Variants in MTR observed in about 807,000 individuals in gnomAD.
MTR encodes the protein 5-methyltetrahydrofolate-homocysteine methyltransferase, also known as methionine synthase.
MTR carries 84 observed loss-of-function variants against 154.8 expected under a neutral mutation model. The ratio of observed to expected loss-of-function variants is 0.54; its 90% CI spans 0.45 to 0.65. The LOEUF (loss-of-function observed/expected upper bound fraction) is 0.65. MTR is among the 30% of genes least tolerant of loss of function. The pLI, the probability that MTR is intolerant of heterozygous loss-of-function variation, is 0.00. For synonymous variants in MTR, 554 were observed against 553.9 expected (o/e 1.00, Z 0.00); for missense variants, 1,275 against 1,570.2 (o/e 0.81, Z 3.18).
intron 25 of MTR, among the ~76,000 whole-genome samples, chr1:236,882,645 G>A (rs1010121488): frequency 9.2e-5 from 14 of 152,022 alleles, no homozygotes; most frequent in Non-Finnish European, 1.6e-4. Context: ...CACCCGCCTC[G>A]GCTTCCCAAA....
chr1:236,820,612 T>C (rs1298666019), intron 8 of MTR: 6 of 552,922 alleles, frequency 1.1e-5, no homozygotes, highest in Non-Finnish European at 1.9e-5. Context: ...AAAGTTTCCG[T>C]AAACATTCAT....
In MTR at chr1:236,891,130, T is replaced by C. The variant is rs1286783552; in HGVS notation, c.3008-3T>C. ...GTGAATTCTAATTCTGTTTTTCTAA[T>C]AGGTGGAGAGGCCAGGAAGGTCTAC... On this transcript the variant is annotated splice_polypyrimidine_tract_variant and splice_region_variant and intron_variant, in intron 28 of 32. Coordinates refer to ENST00000366577, the MANE Select transcript of MTR (RefSeq NM_000254.3). The C allele has an allele frequency of 2.5e-6, 4 of 1,614,126 alleles. No homozygotes were observed. In the Admixed American group the frequency reaches 5.0e-5, roughly 20 times the overall value.
intron 1 of MTR, among the ~76,000 whole-genome samples, chr1:236,802,816 G>A (rs985759300): frequency 2.6e-5 from 4 of 152,166 alleles, no homozygotes; most frequent in African/African-American, 7.2e-5. Context: ...CCAGTAGGTC[G>A]TAGAAACCAG....
chr1:236,883,364 G>T (rs932845549), intron 25 of MTR, among the ~76,000 whole-genome samples: 1 of 152,178 alleles, frequency 6.6e-6, no homozygotes, highest in Non-Finnish European at 1.5e-5. Flanking sequence ...CTGCCACTGT[G>T]GCTCTGGGAG....
intron 18 of MTR, among the ~76,000 whole-genome samples, chr1:236,856,800 T>A (rs1664233960): frequency 6.6e-6 from 1 of 152,120 alleles, no homozygotes; most frequent in African/African-American, 2.4e-5. Context: ...TCTGTTCCTG[T>A]GTTAGTTTGT....
chr1:236,829,310 T>C (rs1435332392), intron 12 of MTR, 42 bp downstream of exon 12: 1 of 1,500,898 alleles, frequency 6.7e-7, no homozygotes, highest in African/African-American at 1.4e-5. Flanking sequence ...CAGAAACCAT[T>C]TGTGGAGTGT....
intron 30 of MTR, 102 bp from the exon 31 acceptor site, chr1:236,895,256 G>A: frequency 7.8e-7 from 1 of 1,288,046 alleles, no homozygotes; most frequent in East Asian, 2.5e-5. Context: ...TGGTCCAGAT[G>A]AGGGAGGGTG....
chr1:236,807,571 A>G (rs369820792), intron 3 of MTR, among the ~76,000 whole-genome samples: 1 of 152,176 alleles, frequency 6.6e-6, no homozygotes, highest in African/African-American at 2.4e-5. Flanking sequence ...AATAGTAGTC[A>G]TCCTAATGAT....
intron 1 of MTR, among the ~76,000 whole-genome samples, chr1:236,802,732 A>G (rs771984753): frequency 1.2e-4 from 19 of 152,208 alleles, no homozygotes; most frequent in Admixed American, 2.6e-4. Flanking sequence ...GAGGGAGGTC[A>G]AGAAAAGGTG....
At chr1:236,809,585 C>T (rs957685760) in intron 4 of MTR, among the ~76,000 whole-genome samples, 1 of 152,208 alleles carries the variant, frequency 6.6e-6, no homozygotes, top group Non-Finnish European at 1.5e-5. Context: ...AACAGAGTCA[C>T]AGGTCAGAGG....
chr1:236,797,897 G>A (rs745787262), intron 1 of MTR, among the ~76,000 whole-genome samples: 79 of 151,198 alleles, frequency 5.2e-4, no homozygotes, highest in Non-Finnish European at 8.7e-4. Flanking sequence ...GGCTGAGGTT[G>A]CAGTGAGCCG....
At position 236,897,909 on chromosome 1, in the gene MTR, G is replaced by A. The variant is rs531663569; in HGVS notation, c.*265G>A. The A allele has an allele frequency of 1.3e-5, 6 of 477,236 alleles. No homozygotes were observed. Among genetic ancestry groups the A allele is most frequent in the South Asian group, 7.4e-5 (3 of 40,352 alleles). The allele number at this position is 477,236 out of a possible 1,614,324, so 29.6% of individuals were successfully genotyped here. A position where few individuals can be genotyped will look rare whatever the true frequency, so the allele number is the denominator to read the frequency against. On this transcript the variant is annotated 3_prime_UTR_variant, in exon 33 of 33. Transcript: ENST00000366577. ...GGTTTCCCTGGTCCCTCTGAGATGG[G>A]GACAGACTGAAGACAGAGGTCGTTT...
chr1:236,858,083 G>A (rs1664305413), intron 18 of MTR, among the ~76,000 whole-genome samples: 2 of 152,290 alleles, frequency 1.3e-5, no homozygotes, highest in South Asian at 2.1e-4. Flanking sequence ...GAAGCTTGTC[G>A]GGAATGGCAG....
chr1:236,884,705 A>T lies in MTR; in HGVS notation c.2677-416A>T, dbSNP rs529868895. Among the ~76,000 whole-genome samples, 6 of 152,326 alleles carry T rather than the reference A, an allele frequency of 3.9e-5. No homozygotes were observed. The East Asian group carries it at 1.2e-3, about 29-fold the overall frequency. Reference sequence around the variant, plus strand: ...TATTGGGGGTTGGTCACATAGGCCCAGAATGCCCATGTGTCTAGCCTTAAT... The same window carrying T: ...TATTGGGGGTTGGTCACATAGGCCCTGAATGCCCATGTGTCTAGCCTTAAT... On this transcript the variant is annotated intron_variant, in intron 25 of 32. Coordinates refer to ENST00000366577, the MANE Select transcript of MTR (RefSeq NM_000254.3).
intron 1 of MTR, among the ~76,000 whole-genome samples, chr1:236,798,125 G>A (rs1449797371): frequency 1.3e-5 from 2 of 152,180 alleles, no homozygotes; most frequent in Non-Finnish European, 2.9e-5. Flanking sequence ...ACAGTGCTGA[G>A]AAAGCCTTGG....
At position 236,838,646 on chromosome 1, in the gene MTR, T is replaced by C. The variant is rs201429367; in HGVS notation, c.1515+47T>C. On this transcript the variant is annotated intron_variant, in intron 15 of 32. Coordinates refer to ENST00000366577, the MANE Select transcript of MTR (RefSeq NM_000254.3). ...AATCCATTGTGTTTCCCAGGTTAGATAGTGGTGGGAGAAAATGCAAGTCTG... is the reference window on the plus strand; with the variant it reads ...AATCCATTGTGTTTCCCAGGTTAGACAGTGGTGGGAGAAAATGCAAGTCTG... 4.4e-6 allele frequency: 7 copies of C among 1,608,190 alleles called. No homozygotes were observed. The East Asian group carries it at 8.9e-5, about 20-fold the overall frequency.
chr1:236,806,462 G>T (rs1660991716), intron 3 of MTR, among the ~76,000 whole-genome samples: 1 of 152,162 alleles, frequency 6.6e-6, no homozygotes, highest in East Asian at 1.9e-4. Context: ...AAATATAAAT[G>T]ATACTTAATT....
At chr1:236,831,221 G>T (rs1031464091) in intron 12 of MTR, among the ~76,000 whole-genome samples, 78 of 152,322 alleles carry the variant, frequency 5.1e-4, no homozygotes, top group African/African-American at 1.8e-3. Context: ...AACAAAAACA[G>T]TTCAGAGCCT....
rs1664592922 is a variant in MTR, at chr1:236,862,359, C to T, written c.2304+16C>T. On this transcript the variant is annotated intron_variant, in intron 21 of 32. Transcript: ENST00000366577. The stretch of plus-strand genomic sequence containing the variant: ...AGAAGAAGAGGCAAGTCATTTTGTT[C>T]AGGCCTATGGGCCTTTAGTGGGTTG... 6.2e-7 allele frequency: 1 copy of T among 1,602,204 alleles called. No homozygotes were observed. Among genetic ancestry groups the T allele is most frequent in the South Asian group, 1.1e-5 (1 of 90,776 alleles).
Sources: gnomAD v4.1 joint callset for allele counts (sites outside exome capture counted in the v4.1 genomes callset) on GRCh38, gnomAD v4.1.1 for gene constraint, MANE v1.5 for transcripts, NCBI Gene and HGNC (gene_info 2026-07-23, HGNC 2026-07-21) for gene names.